The following GATAD1 variants were observed in gnomAD, a reference collection of about 807,000 sequenced individuals.
The protein encoded by GATAD1 is GATA zinc finger domain-containing protein 1.
Under a neutral mutation model 26.5 loss-of-function variants are expected in GATAD1, and 12 were observed. The observed-to-expected ratio is 0.45, with a 90% CI of 0.29 to 0.73. GATAD1 has a LOEUF of 0.73. Among genes scored for constraint, GATAD1 ranks in the 30% least tolerant of loss-of-function variants. The pLI, the probability that GATAD1 is intolerant of heterozygous loss-of-function variation, is 0.10. For synonymous variants in GATAD1, 129 were observed against 133.1 expected (o/e 0.97, Z 0.21); for missense variants, 266 against 342.1 (o/e 0.78, Z 1.75).
the GATAD1 span, among the ~76,000 whole-genome samples, chr7:92,465,782 C>T: frequency 6.6e-6 from 1 of 152,156 alleles, no homozygotes; most frequent in African/African-American, 2.4e-5. Flanking sequence ...TGGGGGATCA[C>T]CTGAGGCCTG....
intron 3 of GATAD1, among the ~76,000 whole-genome samples, chr7:92,452,413 C>A (rs763091665): frequency 1.6e-4 from 25 of 152,200 alleles, no homozygotes; most frequent in Non-Finnish European, 2.9e-4. Context: ...TCACTGCCAG[C>A]CACTGAGCTA....
the GATAD1 span, chr7:92,491,406 A>G: frequency 5.6e-6 from 9 of 1,613,614 alleles, no homozygotes; most frequent in East Asian, 1.1e-4. Context: ...TCTAAGCCAC[A>G]TTCTCCATCT....
At chr7:92,454,077 C>T (rs956613730) in intron 3 of GATAD1, 4 of 221,454 alleles carry the variant, frequency 1.8e-5, no homozygotes, top group Non-Finnish European at 3.5e-5. Context: ...GTGTACCACT[C>T]TAGTGGTGGG....
At chr7:92,450,586 T>G (rs1169334685) in intron 2 of GATAD1, 115 bp from the exon 3 acceptor site, 2 of 621,242 alleles carry the variant, frequency 3.2e-6, no homozygotes, top group African/African-American at 3.8e-5. Flanking sequence ...GCAGTTCTTG[T>G]CACCAAACAA....
the GATAD1 span, among the ~76,000 whole-genome samples, chr7:92,482,474 G>A: frequency 2.0e-5 from 3 of 152,210 alleles, no homozygotes; most frequent in Non-Finnish European, 2.9e-5. Flanking sequence ...AGCCCGTGCT[G>A]TAGCAGGCAA....
chr7:92,471,313 T>C, the GATAD1 span: 3 of 160,276 alleles, frequency 1.9e-5, no homozygotes, highest in African/African-American at 7.2e-5. Flanking sequence ...GGGGATTATT[T>C]CTCTGGCACA....
At chr7:92,490,589 T>A in the GATAD1 span, among the ~76,000 whole-genome samples, 1 of 149,242 alleles carries the variant, frequency 6.7e-6, no homozygotes, top group Non-Finnish European at 1.5e-5. Flanking sequence ...GAGCCATAAT[T>A]GTGCCACTGC....
At chr7:92,448,071 C>G in intron 1 of GATAD1, 93 bp downstream of exon 1, 1 of 983,920 alleles carries the variant, frequency 1.0e-6, no homozygotes, top group African/African-American at 1.7e-5. Context: ...CGCGGGCTTC[C>G]CCGATCGCCG....
the GATAD1 span, chr7:92,477,980 A>G: frequency 2.0e-5 from 3 of 152,338 alleles, no homozygotes; most frequent in Non-Finnish European, 2.9e-5. Context: ...TTATATCCCG[A>G]TTGTTGTCCC....
At chr7:92,487,477 G>T in the GATAD1 span, 1 of 1,587,624 alleles carries the variant, frequency 6.3e-7, no homozygotes. Flanking sequence ...GTTACTTTCT[G>T]TCCAGGTCGA....
rs535506494 is a variant in GATAD1, at chr7:92,448,739, G to C, written c.250-13G>C. ...TCTTTCTCTTTTTGTTCTTTAATTT[G>C]TTTGTGTAACAGAGTAAGCAGGAAA... On this transcript the variant is annotated splice_polypyrimidine_tract_variant and intron_variant, in intron 1 of 4. Transcript: ENST00000287957. The C allele has an allele frequency of 3.7e-6, 6 of 1,605,986 alleles. No homozygotes were observed. The South Asian group carries it at 5.5e-5, about 15-fold the overall frequency.
chr7:92,489,585 C>G, the GATAD1 span: 1 of 1,017,642 alleles, frequency 9.8e-7, no homozygotes, highest in Non-Finnish European at 1.5e-6. Flanking sequence ...ATAACCATGA[C>G]TGAGTTAATG....
At chr7:92,449,322 T>A (rs1164968902) in intron 2 of GATAD1, 23 of 862,766 alleles carry the variant, frequency 2.7e-5, no homozygotes, top group Non-Finnish European at 3.2e-5. Flanking sequence ...AGAAAATGTA[T>A]CTTACTGACT....
the GATAD1 span, among the ~76,000 whole-genome samples, chr7:92,480,633 C>T: frequency 1.9e-4 from 29 of 152,126 alleles, no homozygotes; most frequent in Non-Finnish European, 3.4e-4. Flanking sequence ...AACCATTTGC[C>T]TTGTGTGAGA....
At chr7:92,484,307 G>A in the GATAD1 span, among the ~76,000 whole-genome samples, 1 of 152,220 alleles carries the variant, frequency 6.6e-6, no homozygotes, top group East Asian at 1.9e-4. Context: ...CATAGTGAAG[G>A]AGGTAAGTTT....
chr7:92,476,778 C>G, the GATAD1 span, among the ~76,000 whole-genome samples: 2 of 152,032 alleles, frequency 1.3e-5, no homozygotes, highest in East Asian at 3.9e-4. Flanking sequence ...ACATAACTGC[C>G]CATGTCAAGA....
In GATAD1 at chr7:92,457,582, A is replaced by G. The variant is rs1789734931; in HGVS notation, c.*1020A>G. 1 of 152,268 alleles carries G rather than the reference A, an allele frequency of 6.6e-6. No homozygotes were observed. The allele number at this position is 152,268 out of a possible 1,614,324, so 9.4% of individuals were successfully genotyped here. A position where few individuals can be genotyped will look rare whatever the true frequency, so the allele number is the denominator to read the frequency against. ...AGCTGTAATTTCCAGAGAGACCATT[A>G]GGAACAGGTAGTATCTATTTTTCTC... On this transcript the variant is annotated 3_prime_UTR_variant, in exon 5 of 5. Transcript: ENST00000287957.
the GATAD1 span, chr7:92,469,081 T>C: frequency 1.4e-6 from 1 of 703,118 alleles, no homozygotes; most frequent in South Asian, 1.5e-5. Context: ...GGGTCCAGTG[T>C]TTCGAAGCTC....
chr7:92,480,225 T>C, the GATAD1 span, among the ~76,000 whole-genome samples: 2 of 152,036 alleles, frequency 1.3e-5, no homozygotes, highest in Non-Finnish European at 2.9e-5. Context: ...AGGAATTATG[T>C]CTGACAGAAG....
Sources: allele counts gnomAD v4.1 joint callset (sites outside exome capture counted in the v4.1 genomes callset), GRCh38; gene constraint gnomAD v4.1.1; transcripts MANE v1.5; gene names NCBI Gene and HGNC (gene_info 2026-07-23, HGNC 2026-07-21).